OARD1: variants seen among roughly 807,000 people sequenced by gnomAD.
The protein encoded by OARD1 is ADP-ribose glycohydrolase OARD1.
OARD1 carries 19 observed loss-of-function variants against 19.7 expected under a neutral mutation model. The ratio of observed to expected loss-of-function variants is 0.96; its 90% CI spans 0.67 to 1.41. The LOEUF (loss-of-function observed/expected upper bound fraction) is 1.41. Ranked by LOEUF, OARD1 falls within the 40% of genes most tolerant of loss-of-function variation. The pLI is 0.00. For missense variants in OARD1, 190 were observed against 183.8 expected, an observed-to-expected ratio of 1.03 and a Z score of -0.20; for synonymous variants, 70 against 61.8, an observed-to-expected ratio of 1.13 and a Z score of -0.62.
rs1763346937 is a variant in OARD1, at chr6:41,071,132, G to C, written c.184C>G (p.Gln62Glu). Residue 62 changes from glutamine (Q) to glutamate (E), a missense_variant and splice_region_variant, in exon 3 of 6, where the codon CAA becomes GAA. Gln to Glu is a conservative substitution (Grantham distance 29). Coordinates refer to ENST00000424266, the MANE Select transcript of OARD1 (RefSeq NM_001329686.2). ...CAGGTAAGTGGTTTCCAAAACTCAC[G>C]TTGATTTAAAAGTTCTTGCACCCCT... ...FGGVQELLNQ[Q>E]KKSGEVAVLK... is the part of the protein sequence containing the mutation. 2 of 1,614,164 alleles carry C rather than the reference G, an allele frequency of 1.2e-6. No individual in the cohort carries two copies.
intron 1 of OARD1, among the ~76,000 whole-genome samples, chr6:41,087,553 A>G (rs1764081312): frequency 6.6e-6 from 1 of 152,224 alleles, no homozygotes; most frequent in Non-Finnish European, 1.5e-5. Context: ...CAATGCTCAA[A>G]TAAAAAAAGT....
At chr6:41,084,215 G>T in intron 1 of OARD1, 2 of 1,612,290 alleles carry the variant, frequency 1.2e-6, no homozygotes, top group Middle Eastern at 3.3e-4. Flanking sequence ...TAAAAATATT[G>T]AGCAGTATAT....
chr6:41,087,737 G>C (rs1764085476), intron 1 of OARD1, among the ~76,000 whole-genome samples: 1 of 151,998 alleles, frequency 6.6e-6, no homozygotes, highest in African/African-American at 2.4e-5. Context: ...GTGTTCACTA[G>C]TTATATGAAA....
In OARD1 at chr6:41,090,278, A is replaced by G. The variant is rs754418661; in HGVS notation, c.-42+7435T>C. The G allele has an allele frequency of 1.3e-4, 210 of 1,613,866 alleles. 6 individuals are homozygous for G. The South Asian group carries it at 2.3e-3, about 18-fold the overall frequency. ...AAGGGCAGACCATCGTCTATCAACC[A>G]GTTAATGCAGATGGCACCATTCTCC... On this transcript the variant is annotated intron_variant, in intron 1 of 4. Coordinates refer to the OARD1 transcript ENST00000480585.
chr6:41,084,054 G>A, intron 1 of OARD1: 2 of 1,603,018 alleles, frequency 1.2e-6, no homozygotes, highest in Non-Finnish European at 1.7e-6. Context: ...AGGTCCAAGG[G>A]CAGCCATTAA....
At chr6:41,071,024 C>A (rs760778790) in intron 3 of OARD1, 108 bp downstream of exon 3, 1 of 1,197,072 alleles carries the variant, frequency 8.4e-7, no homozygotes, top group Non-Finnish European at 1.2e-6. Context: ...ATCTTAAAAA[C>A]ATTTGGTTCT....
At chr6:41,091,884 T>C (rs1026729019) in intron 1 of OARD1, among the ~76,000 whole-genome samples, 8 of 152,204 alleles carry the variant, frequency 5.3e-5, no homozygotes, top group African/African-American at 1.4e-4. Context: ...TGCCAGGGAC[T>C]ATTCACCAGG....
In OARD1 at chr6:41,093,968, C is replaced by A. The variant is rs531260368; in HGVS notation, c.-42+3745G>T. Among the ~76,000 whole-genome samples, 3 of 152,314 alleles carry A rather than the reference C, an allele frequency of 2.0e-5. No homozygotes were observed. In the South Asian group the frequency reaches 6.2e-4, roughly 32 times the overall value. ...CGAGGAATTCAAGGCTGCAGTGATT[C>A]ATGATCATGCCACTGCAGTCCAACA... On this transcript the variant is annotated intron_variant, in intron 1 of 4. Coordinates refer to the OARD1 transcript ENST00000480585.
At chr6:41,073,167 G>A (rs1763568575), upstream of OARD1, 1 of 152,528 alleles carries the variant, frequency 6.6e-6, no homozygotes, top group Non-Finnish European at 1.5e-5. Flanking sequence ...ACTCAGGAGA[G>A]GCCCAGGCGC....
intron 1 of OARD1, among the ~76,000 whole-genome samples, chr6:41,091,256 G>A (rs1416742034): frequency 6.6e-6 from 1 of 152,180 alleles, no homozygotes; most frequent in Non-Finnish European, 1.5e-5. Flanking sequence ...TAGAAGAGGA[G>A]GCCTCCAAAC....
At chr6:41,096,729 C>T (rs1218916176) in intron 1 of OARD1, among the ~76,000 whole-genome samples, 1 of 152,126 alleles carries the variant, frequency 6.6e-6, no homozygotes, top group Non-Finnish European at 1.5e-5. Flanking sequence ...AGGATTTATC[C>T]TTGTGTTAAC....
At chr6:41,082,006 ACT>A (rs1258663779) in intron 1 of OARD1, among the ~76,000 whole-genome samples, 4 of 152,236 alleles carry the variant, frequency 2.6e-5, no homozygotes, top group Admixed American at 2.0e-4. Flanking sequence ...TATTAAAATA[ACT>A]CTATTTTTGA....
intron 1 of OARD1, among the ~76,000 whole-genome samples, chr6:41,084,657 A>C (rs906133306): frequency 6.6e-6 from 1 of 152,218 alleles, no homozygotes; most frequent in Non-Finnish European, 1.5e-5. Context: ...AAAGTAAGCA[A>C]AGATGTAGAA....
chr6:41,071,043 C>T (rs759472413), intron 3 of OARD1, 89 bp downstream of exon 3: 4 of 1,317,010 alleles, frequency 3.0e-6, no homozygotes, highest in Admixed American at 1.7e-5. Context: ...CTTAGGAATC[C>T]CCTCTTTACA....
chr6:41,097,479 C>A, intron 1 of OARD1: 1 of 1,494,714 alleles, frequency 6.7e-7, no homozygotes, highest in South Asian at 1.1e-5. Flanking sequence ...ATCAACTCTT[C>A]CAATGGGACA....
In OARD1 at chr6:41,066,548, T is replaced by C. The variant is rs1355960072; in HGVS notation, c.*787A>G. On this transcript the variant is annotated 3_prime_UTR_variant, in exon 6 of 6. Coordinates refer to ENST00000424266, the MANE Select transcript of OARD1 (RefSeq NM_001329686.2). ...AGGCATTTAACATACATTATTTCAC[T>C]TGTTTTCATGATTAAATTCAGGCAG... The C allele has an allele frequency of 6.6e-6, 1 of 152,228 alleles. No individual in the cohort carries two copies. Among genetic ancestry groups the C allele is most frequent in the Non-Finnish European group, 1.5e-5 (1 of 68,040 alleles). 9.4% of individuals were successfully genotyped at this position (152,228 alleles called of 1,614,324 possible). A position where few individuals can be genotyped will look rare whatever the true frequency, so the allele number is the denominator to read the frequency against.
At chr6:41,080,861 A>G (rs1203326665) in intron 1 of OARD1, 1 of 1,614,088 alleles carries the variant, frequency 6.2e-7, no homozygotes, top group East Asian at 2.2e-5. Context: ...CCCAGGTGGC[A>G]TCCGCCTCAG....
chr6:41,077,311 A>C (rs566079424), upstream of OARD1, among the ~76,000 whole-genome samples: 5 of 152,078 alleles, frequency 3.3e-5, no homozygotes, highest in African/African-American at 1.2e-4. Context: ...CACCTGTGCA[A>C]CTGCTACCAC....
Position 41,064,861 on chromosome 6 carries a change from A to G in OARD1, c.*2474T>C, listed in dbSNP as rs1762945332. The G allele has an allele frequency of 6.6e-6, 1 of 152,108 alleles. No individual in the cohort carries two copies. Among genetic ancestry groups the G allele is most frequent in the Non-Finnish European group, 1.5e-5 (1 of 68,022 alleles). 9.4% of individuals were successfully genotyped at this position (152,108 alleles called of 1,614,324 possible). On this transcript the variant is annotated 3_prime_UTR_variant, in exon 6 of 6. Transcript: ENST00000424266. ...TTCAGATATACAATCATTTAAAAGTATTCAATACATGGTGTTTGATGGTAA... is the reference window on the plus strand; with the variant it reads ...TTCAGATATACAATCATTTAAAAGTGTTCAATACATGGTGTTTGATGGTAA...
Sources: gnomAD v4.1 joint callset for allele counts (sites outside exome capture counted in the v4.1 genomes callset) on GRCh38, gnomAD v4.1.1 for gene constraint, MANE v1.5 for transcripts, NCBI Gene and HGNC (gene_info 2026-07-23, HGNC 2026-07-21) for gene names.